PROX1: variants seen among roughly 807,000 people sequenced by gnomAD.
The protein encoded by PROX1 is prospero homeobox 1.
Under a neutral mutation model 58.8 loss-of-function variants are expected in PROX1, and 7 were observed. The observed-to-expected ratio is 0.12, with a 90% confidence interval of 0.07 to 0.22. The LOEUF is 0.22. PROX1 is among the 10% of genes least tolerant of loss of function. The pLI, the probability that PROX1 is intolerant of heterozygous loss-of-function variation, is 1.00. For missense variants in PROX1, 675 were observed against 927.8 expected (o/e 0.73, Z 3.54); for synonymous variants, 350 against 358.3 (o/e 0.98, Z 0.26).
intron 4 of PROX1, among the ~76,000 whole-genome samples, chr1:214,018,877 T>C (rs115842678): frequency 0.016 from 2,473 of 152,312 alleles, 31 homozygotes; most frequent in Middle Eastern, 0.031. Flanking sequence ...TTGACACAAC[T>C]AATATAGTCA....
At chr1:213,987,639 T>C (rs1363114431), upstream of PROX1, 6 of 142,868 alleles carry the variant, frequency 4.2e-5, no homozygotes, top group Admixed American at 6.8e-5. Flanking sequence ...CCGCTTTGCA[T>C]AGTGCCCGCA....
chr1:214,019,806 G>C (rs757382564), intron 4 of PROX1, among the ~76,000 whole-genome samples: 1 of 152,182 alleles, frequency 6.6e-6, no homozygotes, highest in Non-Finnish European at 1.5e-5. Flanking sequence ...CCCTGCTGCC[G>C]GCCTCCTTGC....
At chr1:213,994,353 G>A (rs1571798533) in intron 1 of PROX1, among the ~76,000 whole-genome samples, 1 of 152,136 alleles carries the variant, frequency 6.6e-6, no homozygotes, top group East Asian at 1.9e-4. Flanking sequence ...AAATAGAAAA[G>A]ATGTAAAATT....
At chr1:214,033,863 C>T (rs1455437076) in intron 4 of PROX1, among the ~76,000 whole-genome samples, 1 of 152,102 alleles carries the variant, frequency 6.6e-6, no homozygotes, top group Non-Finnish European at 1.5e-5. Context: ...CTCATGTATA[C>T]AAGACATTTG....
intron 4 of PROX1, among the ~76,000 whole-genome samples, chr1:214,033,371 G>A (rs950099122): frequency 8.5e-5 from 13 of 152,200 alleles, no homozygotes; most frequent in African/African-American, 3.1e-4. Flanking sequence ...GCCAAGACGG[G>A]CAGATCACCT....
chr1:214,001,900 G>T (rs973005219), intron 2 of PROX1, among the ~76,000 whole-genome samples: 2 of 151,630 alleles, frequency 1.3e-5, no homozygotes, highest in East Asian at 1.9e-4. Context: ...ACAGCCCTCC[G>T]ATTATGGTGA....
Position 214,021,541 on chromosome 1 carries a change from C to T in PROX1, c.2028+9826C>T, listed in dbSNP as rs7519597. On this transcript the variant is annotated intron_variant, in intron 4 of 4. Transcript: ENST00000366958. ...GGGCTGCCCTGGATCATTTTAGCTG[C>T]CCTGCTGTAATGCGCTTCCAGCCTG... 8.4e-3 allele frequency among the ~76,000 whole-genome samples: 1,277 copies of T among 152,322 alleles called. 20 individuals are homozygous for T. The highest frequency in any genetic ancestry group is 0.029 in the African/African-American group (1,186 of 41,570).
intron 4 of PROX1, among the ~76,000 whole-genome samples, chr1:214,025,124 C>T (rs1445601446): frequency 6.6e-6 from 1 of 152,282 alleles, no homozygotes; most frequent in East Asian, 1.9e-4. Flanking sequence ...CAGGAAAGCT[C>T]CCAATTAAAC....
rs1338546065 is a variant in PROX1 at position 214,006,577 on chromosome 1, AG to A, written c.1833+1307del. On this transcript the variant is annotated intron_variant, in intron 3 of 4. Coordinates refer to ENST00000366958, the MANE Select transcript of PROX1 (RefSeq NM_001270616.2). ...AACAAGGCTGAGTGACACAGAGGCC[AG>A]GAAAAGGGTTTGGGCTTTGTAGAGG... 5.9e-5 allele frequency among the ~76,000 whole-genome samples: 9 copies of A among 152,316 alleles called. No individual in the cohort carries two copies. The South Asian group carries it at 1.2e-3, about 21-fold the overall frequency.
At position 213,996,749 on chromosome 1, in the gene PROX1, A is replaced by C. The variant is rs1663279429; in HGVS notation, c.214A>C (p.Lys72Gln). Residue 72 changes from lysine to glutamine, a missense_variant, in exon 2 of 5, where the codon AAG (lysine) becomes CAG (glutamine). Physicochemically the swap from Lys to Gln is moderately conservative, Grantham distance 53 (BLOSUM62 1). This residue lies in a region of PROX1 where 157 missense variants were observed against 197.8 expected (regional missense o/e 0.79). Transcript: ENST00000366958. ...TGGGGAAAAGTCAAATGTACTCCGCAAGCTGCTGAAGAGGGCGAACTCGTA... is the reference window on the plus strand; with the variant it reads ...TGGGGAAAAGTCAAATGTACTCCGCCAGCTGCTGAAGAGGGCGAACTCGTA... ...ADGEKSNVLR[K>Q]LLKRANSYED... 1 of 1,614,086 alleles carries C rather than the reference A, an allele frequency of 6.2e-7. No homozygotes were observed.
intron 4 of PROX1, among the ~76,000 whole-genome samples, chr1:214,013,732 T>C (rs1285840095): frequency 6.6e-6 from 1 of 152,234 alleles, no homozygotes; most frequent in Non-Finnish European, 1.5e-5. Context: ...TAACATCTAA[T>C]ATTTCTCTCT....
intron 4 of PROX1, among the ~76,000 whole-genome samples, chr1:214,013,555 T>A (rs1253079923): frequency 1.6e-5 from 2 of 123,172 alleles, no homozygotes; most frequent in Non-Finnish European, 3.3e-5. Context: ...GACAAGTCCT[T>A]AAAGTGCGCA....
chr1:213,989,496 C>T (rs1439551488), intron 1 of PROX1, among the ~76,000 whole-genome samples: 2 of 151,942 alleles, frequency 1.3e-5, no homozygotes, highest in African/African-American at 2.4e-5. Context: ...CTGGTCTCGT[C>T]TGGGTGGTAC....
At chr1:214,020,730 C>G (rs980114828) in intron 4 of PROX1, among the ~76,000 whole-genome samples, 5 of 152,208 alleles carry the variant, frequency 3.3e-5, no homozygotes, top group African/African-American at 7.2e-5. Context: ...TTTAAATTCT[C>G]TAACTACTGC....
intron 4 of PROX1, among the ~76,000 whole-genome samples, chr1:214,016,171 G>A (rs1268676160): frequency 6.6e-6 from 1 of 151,632 alleles, no homozygotes; most frequent in Admixed American, 6.6e-5. Flanking sequence ...CTTTCCTCTT[G>A]GAAATAGAAA....
intron 2 of PROX1, among the ~76,000 whole-genome samples, chr1:214,001,715 C>A (rs191951246): frequency 6.6e-6 from 1 of 152,266 alleles, no homozygotes; most frequent in East Asian, 1.9e-4. Context: ...TTGAAACCAT[C>A]CACAGAAATT....
At chr1:214,029,700 C>T (rs1379946396) in intron 4 of PROX1, 3 of 152,110 alleles carry the variant, frequency 2.0e-5, no homozygotes, top group South Asian at 2.1e-4. Context: ...CTTTCGAGTT[C>T]CCTGAAACAA....
Position 214,040,048 on chromosome 1 carries a change from T to A in PROX1, c.*4214T>A, listed in dbSNP as rs1258328154. 3.9e-5 allele frequency: 6 copies of A among 152,222 alleles called. No individual in the cohort carries two copies. The highest frequency in any genetic ancestry group is 3.9e-4 in the Admixed American group (6 of 15,276). The allele number at this position is 152,222 out of a possible 1,614,324, so 9.4% of individuals were successfully genotyped here. ...AAATGTTTCCTTCTGGTACAAACTC[T>A]GTGTTTGCAAATTTACAAGAAGCAT... On this transcript the variant is annotated 3_prime_UTR_variant, in exon 5 of 5. Transcript: ENST00000366958.
At chr1:214,000,611 T>C (rs1663470995) in intron 2 of PROX1, among the ~76,000 whole-genome samples, 1 of 152,218 alleles carries the variant, frequency 6.6e-6, no homozygotes, top group Admixed American at 6.5e-5. Context: ...TGGCCTTCTA[T>C]GCTCCTATTC....
Sources: gnomAD v4.1 joint callset for allele counts (sites outside exome capture counted in the v4.1 genomes callset) on GRCh38, gnomAD v4.1.1 for gene constraint, gnomAD v4.1.1 regional missense constraint, MANE v1.5 for transcripts, NCBI Gene and HGNC (gene_info 2026-07-23, HGNC 2026-07-21) for gene names.